The following C1orf87 variants were observed in gnomAD, a reference collection of about 807,000 sequenced individuals.
C1orf87 encodes chromosome 1 open reading frame 87, also known as uncharacterized protein C1orf87.
In C1orf87, 58 loss-of-function variants were observed where a neutral mutation model predicts 60.5. The observed-to-expected ratio is 0.96, with a 90% CI of 0.78 to 1.19. The LOEUF (loss-of-function observed/expected upper bound fraction) is 1.19. Ranked by LOEUF, C1orf87 falls within the 50% of genes most tolerant of loss-of-function variation. C1orf87 has a pLI of 0.00. For synonymous variants in C1orf87, 236 were observed against 227.4 expected (o/e 1.04, Z -0.34); for missense variants, 673 against 638.6 (o/e 1.05, Z -0.58).
chr1:60,010,501 C>A, intron 8 of C1orf87, 45 bp from the exon 9 acceptor site: 1 of 1,529,266 alleles, frequency 6.5e-7, no homozygotes, highest in South Asian at 1.1e-5. Context: ...ATATGATTGC[C>A]CTGAAAGAAT....
At chr1:60,054,432 C>A (rs1645437844) in intron 3 of C1orf87, among the ~76,000 whole-genome samples, 1 of 152,162 alleles carries the variant, frequency 6.6e-6, no homozygotes, top group African/African-American at 2.4e-5. Context: ...TTAGAAAGGG[C>A]TATTAAAATT....
chr1:60,036,836 A>G (rs1272531951), intron 6 of C1orf87, among the ~76,000 whole-genome samples: 2 of 152,202 alleles, frequency 1.3e-5, no homozygotes, highest in African/African-American at 2.4e-5. Context: ...TTGAGATTAT[A>G]TGAAGTGACT....
At chr1:60,007,805 T>A (rs1431060759) in intron 9 of C1orf87, among the ~76,000 whole-genome samples, 1 of 152,056 alleles carries the variant, frequency 6.6e-6, no homozygotes, top group Non-Finnish European at 1.5e-5. Context: ...TTTTTATGAT[T>A]CTTAATGATA....
At position 59,997,899 on chromosome 1, in the gene C1orf87, C is replaced by G. The variant is rs557645122; in HGVS notation, c.1273-83G>C. 2.3e-6 allele frequency: 3 copies of G among 1,314,034 alleles called. No homozygotes were observed. The African/African-American group carries it at 4.4e-5, about 19-fold the overall frequency. The allele number at this position is 1,314,034 out of a possible 1,614,324, so 81.4% of individuals were successfully genotyped here. A position where few individuals can be genotyped will look rare whatever the true frequency, so the allele number is the denominator to read the frequency against. ...CTTGGCCAAAGATGAGGCCACACAA[C>G]TAGCAAGATTTATAGCAAGGTTTGA... On this transcript the variant is annotated intron_variant, in intron 10 of 11. Coordinates refer to ENST00000371201, the MANE Select transcript of C1orf87 (RefSeq NM_152377.3).
intron 2 of C1orf87, among the ~76,000 whole-genome samples, chr1:60,065,013 T>TATTTAATATA (rs71046363): frequency 1.6e-5 from 1 of 63,938 alleles, no homozygotes; most frequent in African/African-American, 5.2e-5. Flanking sequence ...TAAATATATA[T>TATTTAATATA]TAAATATATA....
chr1:60,067,266 T>C (rs1645553167), intron 2 of C1orf87, among the ~76,000 whole-genome samples: 1 of 152,220 alleles, frequency 6.6e-6, no homozygotes, highest in African/African-American at 2.4e-5. Context: ...GTTGAACTAA[T>C]TTACACTCCC....
At chr1:60,006,918 A>ATT (rs1645050703) in intron 9 of C1orf87, among the ~76,000 whole-genome samples, 1 of 143,176 alleles carries the variant, frequency 7.0e-6, no homozygotes, top group African/African-American at 2.6e-5. Context: ...TCTCTTGCAT[A>ATT]CTTTTTTTTT....
chr1:60,000,926 C>T, intron 10 of C1orf87, 151 bp downstream of exon 10: 1 of 633,836 alleles, frequency 1.6e-6, no homozygotes, highest in Non-Finnish European at 2.7e-6. Context: ...TCCTTCTTTG[C>T]CCAAGGAGAG....
chr1:59,991,850 T>C (rs1644925846), intron 11 of C1orf87, among the ~76,000 whole-genome samples: 1 of 152,076 alleles, frequency 6.6e-6, no homozygotes, highest in Non-Finnish European at 1.5e-5. Context: ...ACGGCATCAC[T>C]GAAGATCAAT....
chr1:60,062,128 G>T (rs1386953188), intron 2 of C1orf87, among the ~76,000 whole-genome samples: 1 of 152,084 alleles, frequency 6.6e-6, no homozygotes, highest in East Asian at 1.9e-4. Context: ...TTTAGTTTCG[G>T]TAACATTCCC....
chr1:59,995,104 T>C (rs1347337596), intron 11 of C1orf87, among the ~76,000 whole-genome samples: 1 of 152,210 alleles, frequency 6.6e-6, no homozygotes, highest in East Asian at 1.9e-4. Flanking sequence ...GCCTCCAAAG[T>C]CAACAAACTC....
At chr1:60,041,174 A>C (rs760457651) in intron 3 of C1orf87, 43 bp from the exon 4 acceptor site, 2 of 1,447,574 alleles carry the variant, frequency 1.4e-6, no homozygotes, top group African/African-American at 1.4e-5. Flanking sequence ...GCAGAAGAGG[A>C]GGTAGGGAAG....
At chr1:60,013,205 C>A (rs1308472420) in intron 8 of C1orf87, among the ~76,000 whole-genome samples, 1 of 151,966 alleles carries the variant, frequency 6.6e-6, no homozygotes, top group South Asian at 2.1e-4. Flanking sequence ...TTGGGACTTC[C>A]GTTTTTATTT....
intron 3 of C1orf87, among the ~76,000 whole-genome samples, chr1:60,054,914 C>CT (rs1340043387): frequency 6.6e-6 from 1 of 152,138 alleles, no homozygotes; most frequent in Non-Finnish European, 1.5e-5. Flanking sequence ...AGTAACAACA[C>CT]TGAGTATCAC....
In C1orf87 at chr1:59,990,472, AG is replaced by A; in HGVS notation, c.*200del. ...TCTTGCCACATCAAAAGATAAAACT[AG>A]GTTTCCTCTGATCACTTTGAACTGC... On this transcript the variant is annotated 3_prime_UTR_variant, in exon 12 of 12. Coordinates refer to ENST00000371201, the MANE Select transcript of C1orf87 (RefSeq NM_152377.3). 2.2e-6 allele frequency: 1 copy of A among 447,670 alleles called. No individual in the cohort carries two copies. Among genetic ancestry groups the A allele is most frequent in the Non-Finnish European group, 3.8e-6 (1 of 262,392 alleles). 27.7% of individuals were successfully genotyped at this position (447,670 alleles called of 1,614,324 possible).
At chr1:59,998,341 G>A (rs920532393) in intron 10 of C1orf87, among the ~76,000 whole-genome samples, 3 of 152,208 alleles carry the variant, frequency 2.0e-5, no homozygotes, top group Non-Finnish European at 4.4e-5. Flanking sequence ...GGCCCAGAAA[G>A]TACAAGTGGT....
intron 9 of C1orf87, among the ~76,000 whole-genome samples, chr1:60,010,126 G>A (rs1440588805): frequency 6.6e-6 from 1 of 151,326 alleles, no homozygotes; most frequent in Non-Finnish European, 1.5e-5. Context: ...TTCCATAAAT[G>A]TACTGCATTC....
intron 2 of C1orf87, among the ~76,000 whole-genome samples, chr1:60,058,177 T>C (rs1645470467): frequency 6.6e-6 from 1 of 152,202 alleles, no homozygotes; most frequent in African/African-American, 2.4e-5. Flanking sequence ...TAAAACTATA[T>C]TGTAGAAATC....
At chr1:60,002,494 G>A (rs1645013030) in intron 9 of C1orf87, among the ~76,000 whole-genome samples, 1 of 151,938 alleles carries the variant, frequency 6.6e-6, no homozygotes, top group African/African-American at 2.4e-5. Context: ...TTTTTTTCTT[G>A]TAAATTTGTT....
Sources: allele counts gnomAD v4.1 joint callset (sites outside exome capture counted in the v4.1 genomes callset), GRCh38; gene constraint gnomAD v4.1.1; transcripts MANE v1.5; gene names NCBI Gene and HGNC (gene_info 2026-07-23, HGNC 2026-07-21).